VPS13B: variants seen among roughly 807,000 people sequenced by gnomAD.
The protein encoded by VPS13B is intermembrane lipid transfer protein VPS13B.
VPS13B carries 285 observed loss-of-function variants against 426.4 expected under a neutral mutation model. The ratio of observed to expected loss-of-function variants is 0.67; its 90% CI spans 0.61 to 0.74. The LOEUF (loss-of-function observed/expected upper bound fraction) is 0.74, where lower values mean the gene tolerates loss of function less well. VPS13B is among the 30% of genes least tolerant of loss of function. The pLI is 0.00. For synonymous variants in VPS13B, 1,676 were observed against 1,676.4 expected (o/e 1.00, Z 0.01); for missense variants, 4,537 against 4,782.6 (o/e 0.95, Z 1.51).
rs534014016 is a variant in VPS13B at position 99,643,112 on chromosome 8, A to C, written c.5908+614A>C. ...AGCTTTTTGCCTGTTGAGACTAGGA[A>C]AGTGAGCAGGGTTCAGATTTAAGAC... On this transcript the variant is annotated intron_variant, in intron 34 of 61. Transcript: ENST00000357162. 2.6e-3 allele frequency among the ~76,000 whole-genome samples: 391 copies of C among 152,296 alleles called. 1 individual carries two copies. Among genetic ancestry groups the C allele is most frequent in the Middle Eastern group, 0.014 (4 of 294 alleles).
At chr8:99,704,407 T>C (rs1453937185) in intron 36 of VPS13B, among the ~76,000 whole-genome samples, 1 of 152,110 alleles carries the variant, frequency 6.6e-6, no homozygotes, top group Non-Finnish European at 1.5e-5. Context: ...CCAGGGAAAA[T>C]CTTATAAGGC....
intron 2 of VPS13B, among the ~76,000 whole-genome samples, chr8:99,028,293 G>A (rs1468875781): frequency 4.6e-5 from 7 of 151,710 alleles, no homozygotes; most frequent in Admixed American, 2.0e-4. Context: ...GGGCAGCCGG[G>A]CAGAGGTGCC....
At chr8:99,334,752 C>T (rs921178823) in intron 19 of VPS13B, among the ~76,000 whole-genome samples, 3 of 152,118 alleles carry the variant, frequency 2.0e-5, no homozygotes, top group East Asian at 1.9e-4. Context: ...CTGCTGGATT[C>T]GGTTTGCCAG....
intron 33 of VPS13B, among the ~76,000 whole-genome samples, chr8:99,637,792 A>G (rs1829130443): frequency 6.6e-6 from 1 of 152,268 alleles, no homozygotes; most frequent in East Asian, 1.9e-4. Context: ...TCAGAAGTAA[A>G]AAATGCTCTA....
intron 24 of VPS13B, among the ~76,000 whole-genome samples, chr8:99,469,131 C>G (rs569730286): frequency 3.0e-4 from 45 of 151,360 alleles, no homozygotes; most frequent in Non-Finnish European, 5.7e-4. Context: ...ACTCATCTTC[C>G]ACTACAGTAA....
chr8:99,519,570 A>C (rs1822262762), intron 29 of VPS13B, among the ~76,000 whole-genome samples: 1 of 152,192 alleles, frequency 6.6e-6, no homozygotes, highest in African/African-American at 2.4e-5. Flanking sequence ...CATCATTGAT[A>C]GACTGGATTA....
intron 15 of VPS13B, among the ~76,000 whole-genome samples, chr8:99,157,670 ACT>A (rs1452573151): frequency 6.6e-6 from 1 of 152,138 alleles, no homozygotes; most frequent in Admixed American, 6.5e-5. Flanking sequence ...GAGTCCCATA[ACT>A]CTACTTTAAA....
At chr8:99,086,654 T>C (rs946219194) in intron 3 of VPS13B, among the ~76,000 whole-genome samples, 2 of 152,224 alleles carry the variant, frequency 1.3e-5, no homozygotes, top group Non-Finnish European at 1.5e-5. Flanking sequence ...ATGTTCTTTC[T>C]GTTTGTTAGT....
At chr8:99,214,450 A>AT (rs1413927124) in intron 17 of VPS13B, among the ~76,000 whole-genome samples, 1 of 152,146 alleles carries the variant, frequency 6.6e-6, no homozygotes, top group Non-Finnish European at 1.5e-5. Flanking sequence ...TACTTATCAG[A>AT]TTTTTCATGT....
At chr8:99,461,226 C>T (rs1237954669) in intron 23 of VPS13B, among the ~76,000 whole-genome samples, 2 of 151,872 alleles carry the variant, frequency 1.3e-5, no homozygotes, top group Admixed American at 6.6e-5. Context: ...GGCCCCATTA[C>T]GAGTAAGGAA....
At chr8:99,415,378 G>T (rs1815941138) in intron 21 of VPS13B, among the ~76,000 whole-genome samples, 1 of 151,818 alleles carries the variant, frequency 6.6e-6, no homozygotes, top group Non-Finnish European at 1.5e-5. Context: ...TAGCTCGGAG[G>T]AGTTTGTTAT....
chr8:99,367,558 G>A (rs186444470), intron 19 of VPS13B, among the ~76,000 whole-genome samples: 6 of 152,158 alleles, frequency 3.9e-5, no homozygotes, highest in East Asian at 1.9e-4. Flanking sequence ...GAAGTCCTCC[G>A]TTACTATCCT....
At position 99,073,756 on chromosome 8, in the gene VPS13B, T is replaced by G. The variant is rs190575787; in HGVS notation, c.292-22556T>G. On this transcript the variant is annotated intron_variant, in intron 3 of 61. Transcript: ENST00000357162. ...CCAGGACTTTCTTTTCTTTCTTTTA[T>G]TTTTTGTTTCTTTCTTTCTTCTTTT... 2.4e-3 allele frequency among the ~76,000 whole-genome samples: 363 copies of G among 150,378 alleles called. 1 individual carries two copies. The highest frequency in any genetic ancestry group is 0.014 in the Middle Eastern group (4 of 290).
intron 14 of VPS13B, among the ~76,000 whole-genome samples, chr8:99,155,174 G>T (rs1019644019): frequency 1.3e-5 from 2 of 151,924 alleles, no homozygotes; most frequent in Non-Finnish European, 2.9e-5. Flanking sequence ...CTAACCAAAA[G>T]AAAGATAGCA....
intron 21 of VPS13B, among the ~76,000 whole-genome samples, chr8:99,424,948 T>G (rs1816605987): frequency 2.0e-5 from 3 of 152,028 alleles, no homozygotes; most frequent in Admixed American, 6.6e-5. Flanking sequence ...TCTATGCAAA[T>G]AAACTAGAAA....
intron 50 of VPS13B, among the ~76,000 whole-genome samples, chr8:99,822,901 G>T (rs1277890824): frequency 6.6e-6 from 1 of 152,136 alleles, no homozygotes; most frequent in African/African-American, 2.4e-5. Context: ...GTTCATGAGA[G>T]AATTCAAGTG....
intron 35 of VPS13B, among the ~76,000 whole-genome samples, chr8:99,681,893 G>A (rs1436338369): frequency 1.3e-5 from 2 of 152,120 alleles, no homozygotes; most frequent in Non-Finnish European, 2.9e-5. Context: ...GTGACCAAGT[G>A]TCCAAATAAG....
chr8:99,738,549 G>A (rs1434557389), intron 39 of VPS13B, among the ~76,000 whole-genome samples: 1 of 152,178 alleles, frequency 6.6e-6, no homozygotes, highest in African/African-American at 2.4e-5. Context: ...TAGTAATCGT[G>A]TATTCAGAAT....
At chr8:99,647,199 A>G (rs1202546705) in intron 34 of VPS13B, among the ~76,000 whole-genome samples, 1 of 152,186 alleles carries the variant, frequency 6.6e-6, no homozygotes, top group Non-Finnish European at 1.5e-5. Context: ...GTCATAAACC[A>G]TTATTATATG....
Sources: gnomAD v4.1 joint callset for allele counts (sites outside exome capture counted in the v4.1 genomes callset) on GRCh38, gnomAD v4.1.1 for gene constraint, MANE v1.5 for transcripts, NCBI Gene and HGNC (gene_info 2026-07-23, HGNC 2026-07-21) for gene names.